The following DGKG variants were observed in gnomAD, a reference collection of about 807,000 sequenced individuals.
The protein encoded by DGKG is diacylglycerol kinase gamma.
DGKG carries 78 observed loss-of-function variants against 105.3 expected under a neutral mutation model. The observed-to-expected ratio is 0.74, with a 90% CI of 0.62 to 0.89. DGKG has a LOEUF of 0.89. Ranked by LOEUF, DGKG falls within the 40% of genes least tolerant of loss-of-function variation. The pLI is 0.00. For missense variants in DGKG, 958 were observed against 1,020.1 expected, an observed-to-expected ratio of 0.94 and a Z score of 0.83; for synonymous variants, 346 against 367.1, an observed-to-expected ratio of 0.94 and a Z score of 0.66.
chr3:186,277,516 G>A (rs1578766085), intron 9 of DGKG, among the ~76,000 whole-genome samples: 1 of 152,188 alleles, frequency 6.6e-6, no homozygotes, highest in East Asian at 1.9e-4. Flanking sequence ...TTCCTGTATG[G>A]GTAGAAGGAA....
chr3:186,360,666 A>G (rs1379855628), intron 1 of DGKG, among the ~76,000 whole-genome samples: 1 of 152,172 alleles, frequency 6.6e-6, no homozygotes, highest in African/African-American at 2.4e-5. Context: ...TCCTTCATTG[A>G]CAACCAGGGT....
intron 22 of DGKG, among the ~76,000 whole-genome samples, chr3:186,168,101 A>C (rs540727873): frequency 1.3e-5 from 2 of 152,350 alleles, no homozygotes; most frequent in East Asian, 3.9e-4. Context: ...AGGGATGATC[A>C]TGTGTGGGGC....
At chr3:186,259,687 C>G (rs528814843) in intron 16 of DGKG, among the ~76,000 whole-genome samples, 86 of 152,118 alleles carry the variant, frequency 5.7e-4, no homozygotes, top group Admixed American at 1.6e-3. Flanking sequence ...ATGCAGACAG[C>G]CCCGGGCCCG....
chr3:186,246,250 G>T (rs989336209), intron 19 of DGKG, among the ~76,000 whole-genome samples: 2 of 152,188 alleles, frequency 1.3e-5, no homozygotes, highest in Admixed American at 6.5e-5. Flanking sequence ...GGGATTACAG[G>T]TGTGAGCCCC....
chr3:186,342,630 T>C (rs1452824223), intron 1 of DGKG, among the ~76,000 whole-genome samples: 1 of 152,112 alleles, frequency 6.6e-6, no homozygotes, highest in African/African-American at 2.4e-5. Context: ...AGAAAGACCC[T>C]GCTTGGTGAA....
intron 21 of DGKG, among the ~76,000 whole-genome samples, chr3:186,196,008 A>G (rs917410259): frequency 6.6e-6 from 1 of 152,132 alleles, no homozygotes; most frequent in Non-Finnish European, 1.5e-5. Flanking sequence ...ACCCATTAAT[A>G]TAGTCCCCTA....
At chr3:186,190,843 A>C (rs551964548) in intron 21 of DGKG, among the ~76,000 whole-genome samples, 1 of 152,238 alleles carries the variant, frequency 6.6e-6, no homozygotes, top group South Asian at 2.1e-4. Flanking sequence ...ATAAAAGGAA[A>C]AAACAGTGAC....
chr3:186,339,549 TA>T (rs1194202899), intron 1 of DGKG, among the ~76,000 whole-genome samples: 1 of 152,172 alleles, frequency 6.6e-6, no homozygotes, highest in Non-Finnish European at 1.5e-5. Context: ...TCAATTTCAA[TA>T]AAAAATACAG....
intron 17 of DGKG, among the ~76,000 whole-genome samples, chr3:186,256,819 A>G (rs954865038): frequency 6.6e-6 from 1 of 151,394 alleles, no homozygotes; most frequent in African/African-American, 2.4e-5. Flanking sequence ...CACTTGACTC[A>G]CCCCTCCTCC....
chr3:186,257,814 C>T, intron 17 of DGKG, 40 bp downstream of exon 17: 4 of 1,467,190 alleles, frequency 2.7e-6, no homozygotes, highest in Non-Finnish European at 3.8e-6. Context: ...AATACGCTTA[C>T]TATAAATAAG....
intron 24 of DGKG, chr3:186,160,351 G>C (rs13087167): frequency 0.61 from 601,689 of 984,604 alleles, 189,724 homozygotes; most frequent in East Asian, 0.93. Flanking sequence ...TTGTAGGGGG[G>C]TTGGAGATAA....
chr3:186,194,363 C>A (rs544552164), intron 21 of DGKG, among the ~76,000 whole-genome samples: 1 of 152,230 alleles, frequency 6.6e-6, no homozygotes, highest in African/African-American at 2.4e-5. Flanking sequence ...CCCGGAGCAC[C>A]GAAGCTTCCC....
rs145635023 is a variant in DGKG, at chr3:186,361,467, C to T, written c.-249+479G>A. On this transcript the variant is annotated intron_variant, in intron 1 of 24. Coordinates refer to ENST00000265022, the MANE Select transcript of DGKG (RefSeq NM_001346.3). The surrounding 1 kb of genome is among the most constrained non-coding windows in gnomAD (Gnocchi z 6.8). ...CAGCTTCCCTTTAAGTCGCCCTGCG[C>T]AGGGGCTTTGTGGAGTGCCCCCAAA... 2.5e-3 allele frequency among the ~76,000 whole-genome samples: 376 copies of T among 152,314 alleles called. 2 individuals are homozygous for T. Among genetic ancestry groups the T allele is most frequent in the African/African-American group, 8.1e-3 (335 of 41,580 alleles).
intron 24 of DGKG, among the ~76,000 whole-genome samples, chr3:186,153,143 G>T (rs1715852076): frequency 6.6e-6 from 1 of 151,998 alleles, no homozygotes; most frequent in South Asian, 2.1e-4. Context: ...GTAGGAGTCT[G>T]GGGCTCCTGG....
rs1578830614 is a variant in DGKG, at chr3:186,320,434, A to G, written c.26T>C (p.Leu9Pro). Reference sequence around the variant, plus strand: ...GAGTTGGTCAAATTCTTCTGGAGTGAGGGAGACCCACCGTTCTTCACCCAT... The same window carrying G: ...GAGTTGGTCAAATTCTTCTGGAGTGGGGGAGACCCACCGTTCTTCACCCAT... MGEERWVS[L>P]TPEEFDQLQK... Residue 9 changes from leucine (L) to proline (P), a missense_variant, in exon 2 of 25, where the codon CTC becomes CCC. Physicochemically the swap from Leu to Pro is moderately conservative, Grantham distance 98. Coordinates refer to ENST00000265022, the MANE Select transcript of DGKG (RefSeq NM_001346.3). The G allele has an allele frequency of 6.2e-7, 1 of 1,614,144 alleles. No homozygotes were observed. Among genetic ancestry groups the G allele is most frequent in the Non-Finnish European group, 8.5e-7 (1 of 1,180,000 alleles).
At position 186,284,859 on chromosome 3, in the gene DGKG, T is replaced by A. The variant is rs555516255; in HGVS notation, c.545-150A>T. On this transcript the variant is annotated intron_variant, in intron 6 of 24. Transcript: ENST00000265022. The surrounding 1 kb of genome is among the most constrained non-coding windows in gnomAD (Gnocchi z 4.0). Reference sequence around the variant, plus strand: ...TCTCCCTCCCTCTGAGCACAGAGTCTGACTTCCTTACAGAGAGGCTGGGCC... The same window carrying A: ...TCTCCCTCCCTCTGAGCACAGAGTCAGACTTCCTTACAGAGAGGCTGGGCC... 1 of 675,700 alleles carries A rather than the reference T, an allele frequency of 1.5e-6. No homozygotes were observed. Among genetic ancestry groups the A allele is most frequent in the South Asian group, 1.8e-5 (1 of 56,816 alleles). 41.9% of individuals were successfully genotyped at this position (675,700 alleles called of 1,614,324 possible).
chr3:186,188,178 C>A (rs764281620), intron 22 of DGKG, 24 bp downstream of exon 22: 4 of 1,613,520 alleles, frequency 2.5e-6, no homozygotes, highest in Non-Finnish European at 3.4e-6. Context: ...TGACCTAAAA[C>A]AATTATCCTC....
chr3:186,313,433 T>C (rs1225345006), intron 2 of DGKG: 1 of 909,114 alleles, frequency 1.1e-6, no homozygotes, highest in African/African-American at 1.8e-5. Context: ...GTATGACTTA[T>C]TTGTGTAAGT....
intron 1 of DGKG, among the ~76,000 whole-genome samples, chr3:186,335,158 G>A (rs1017753960): frequency 5.3e-5 from 8 of 152,060 alleles, no homozygotes; most frequent in South Asian, 2.1e-4. Flanking sequence ...TGCAACCTTC[G>A]CCTCCTGGAT....
Sources: gnomAD v4.1 joint callset for allele counts (sites outside exome capture counted in the v4.1 genomes callset) on GRCh38, gnomAD v4.1.1 for gene constraint, Gnocchi (gnomAD v3.1) non-coding constraint, MANE v1.5 for transcripts, NCBI Gene and HGNC (gene_info 2026-07-23, HGNC 2026-07-21) for gene names.